Variants in ABCA13 observed in about 807,000 individuals in gnomAD.
ABCA13 encodes the protein ATP binding cassette subfamily A member 13, also known as ATP-binding cassette sub-family A member 13.
ABCA13 carries 476 observed loss-of-function variants against 478.7 expected under a neutral mutation model. That is an observed-to-expected ratio of 0.99 (90% CI 0.92 to 1.07). ABCA13 has a LOEUF of 1.07. Ranked by LOEUF, ABCA13 falls within the 50% of genes least tolerant of loss-of-function variation. ABCA13 has a pLI of 0.00. For missense variants in ABCA13, 6,060 were observed against 5,910.6 expected (o/e 1.03, Z -0.83); for synonymous variants, 2,252 against 2,158.9 (o/e 1.04, Z -1.20).
At position 48,248,257 on chromosome 7, in the gene ABCA13, G is replaced by A. The variant is rs1434994129; in HGVS notation, c.1678G>A (p.Val560Ile). 5 of 1,613,454 alleles carry A rather than the reference G, an allele frequency of 3.1e-6. No homozygotes were observed. In the East Asian group the frequency reaches 1.1e-4, roughly 36 times the overall value. The change falls in exon 14 of 62, where the codon GTC (valine) becomes ATC (isoleucine). Residue 560 changes from valine to isoleucine, a missense_variant. By Grantham distance (29) the Val-to-Ile change is conservative (BLOSUM62 3). Around this residue, in one of 3 missense-constraint regions of ABCA13, gnomAD observed 4,423 missense variants for 4,309.1 expected, o/e 1.03. Transcript: ENST00000435803. ...VEDADRILQE[V>I]ITWHKNMSVL... is the part of the protein sequence containing the mutation. ...TGTTAAGGATCGTATTTTGCAAGAG[G>A]TCATTACTTGGCACAAAAATATGTC... is the stretch of plus-strand genomic sequence containing the variant.
At position 48,288,069 on chromosome 7, in the gene ABCA13, C is replaced by T; in HGVS notation, c.8946C>T (p.Asp2982=). Residue 2982 remains aspartate, a synonymous_variant, in exon 20 of 62, where the codon GAC becomes GAT. Transcript: ENST00000435803. ...TACAAGGGGTCACTTTGGCGCAGGA[C>T]CACTTCCAGGTTTGTCGTCTTTAAT... ...SAIQGVTLAQ[D]HFQEIEKIWS... 1 of 1,613,710 alleles carries T rather than the reference C, an allele frequency of 6.2e-7. No homozygotes were observed. The highest frequency in any genetic ancestry group is 2.2e-5 in the East Asian group (1 of 44,880).
chr7:48,406,768 G>A (rs187063696), intron 39 of ABCA13, among the ~76,000 whole-genome samples: 29,550 of 151,972 alleles, frequency 0.19, 3,217 homozygotes, highest in East Asian at 0.23. Context: ...AGCTACTTGG[G>A]AGGCTGAGGC....
chr7:48,452,266 A>G (rs897196527), intron 42 of ABCA13, among the ~76,000 whole-genome samples: 2 of 152,200 alleles, frequency 1.3e-5, no homozygotes, highest in South Asian at 2.1e-4. Context: ...GAGGGAAAAT[A>G]TTACAAATCT....
chr7:48,317,338 C>G, intron 27 of ABCA13, 42 bp downstream of exon 27: 2 of 1,563,492 alleles, frequency 1.3e-6, no homozygotes, highest in Non-Finnish European at 1.7e-6. Flanking sequence ...CATACATACA[C>G]TAAATCAGGA....
intron 42 of ABCA13, among the ~76,000 whole-genome samples, chr7:48,440,374 G>T (rs890701169): frequency 6.6e-6 from 1 of 151,994 alleles, no homozygotes; most frequent in African/African-American, 2.4e-5. Flanking sequence ...ATAGAAGTCT[G>T]TGTTTTTTTC....
At chr7:48,548,319 A>G (rs953954193) in intron 55 of ABCA13, among the ~76,000 whole-genome samples, 3 of 151,898 alleles carry the variant, frequency 2.0e-5, no homozygotes, top group Non-Finnish European at 1.5e-5. Flanking sequence ...CCTGGCGGAG[A>G]AATGTCCCTA....
intron 15 of ABCA13, among the ~76,000 whole-genome samples, chr7:48,258,985 C>A (rs1366177254): frequency 7.0e-6 from 1 of 142,096 alleles, no homozygotes; most frequent in Non-Finnish European, 1.5e-5. Context: ...TTTGGTGTGA[C>A]TTTTTTTTTT....
intron 57 of ABCA13, among the ~76,000 whole-genome samples, chr7:48,588,665 T>C (rs1186435706): frequency 6.6e-6 from 1 of 152,214 alleles, no homozygotes; most frequent in Non-Finnish European, 1.5e-5. Context: ...ATAGTGTCTG[T>C]CTCATGGAGT....
intron 41 of ABCA13, among the ~76,000 whole-genome samples, chr7:48,420,312 G>A (rs1820573679): frequency 6.6e-6 from 1 of 152,106 alleles, no homozygotes; most frequent in Admixed American, 6.6e-5. Flanking sequence ...GTTTCATTAA[G>A]GCATCTGTAC....
At chr7:48,387,527 T>C (rs934326352) in intron 35 of ABCA13, among the ~76,000 whole-genome samples, 8 of 152,094 alleles carry the variant, frequency 5.3e-5, no homozygotes, top group African/African-American at 1.4e-4. Context: ...ACTCTGGGAA[T>C]ATTCAGCAAT....
At chr7:48,537,440 A>G (rs1425791075) in intron 55 of ABCA13, among the ~76,000 whole-genome samples, 1 of 152,144 alleles carries the variant, frequency 6.6e-6, no homozygotes, top group Non-Finnish European at 1.5e-5. Context: ...CAGCAAGGCA[A>G]TTTTACTTCT....
intron 31 of ABCA13, among the ~76,000 whole-genome samples, chr7:48,365,636 G>A (rs2129012910): frequency 6.6e-6 from 1 of 152,254 alleles, no homozygotes; most frequent in South Asian, 2.1e-4. Flanking sequence ...TCTGCATATG[G>A]TTATTCAGTT....
intron 38 of ABCA13, among the ~76,000 whole-genome samples, chr7:48,394,105 G>A (rs1563179747): frequency 6.6e-6 from 1 of 152,118 alleles, no homozygotes; most frequent in African/African-American, 2.4e-5. Context: ...CCAGGTCCTG[G>A]CCCTTCTCTG....
At chr7:48,440,745 T>C (rs1399640927) in intron 42 of ABCA13, among the ~76,000 whole-genome samples, 1 of 151,854 alleles carries the variant, frequency 6.6e-6, no homozygotes, top group Non-Finnish European at 1.5e-5. Context: ...TCCTCTTTAT[T>C]ATGCTTATAC....
chr7:48,194,598 A>C (rs1797679406), intron 2 of ABCA13, among the ~76,000 whole-genome samples: 2 of 152,152 alleles, frequency 1.3e-5, no homozygotes, highest in South Asian at 4.1e-4. Context: ...CTTTGTCTCT[A>C]TCAGGCTATA....
At chr7:48,337,159 G>T (rs556010514) in intron 28 of ABCA13, among the ~76,000 whole-genome samples, 1 of 152,274 alleles carries the variant, frequency 6.6e-6, no homozygotes, top group South Asian at 2.1e-4. Flanking sequence ...AAGGGAACTC[G>T]CAGTACCTTG....
At chr7:48,372,072 C>T in intron 32 of ABCA13, 96 bp from the exon 33 acceptor site, 1 of 1,259,046 alleles carries the variant, frequency 7.9e-7, no homozygotes, top group Non-Finnish European at 1.1e-6. Flanking sequence ...GCAGATTTAC[C>T]TTTCCACTGG....
chr7:48,368,524 C>T (rs1212593297), intron 32 of ABCA13, among the ~76,000 whole-genome samples: 1 of 151,816 alleles, frequency 6.6e-6, no homozygotes, highest in African/African-American at 2.4e-5. Context: ...TGTCTCATAG[C>T]TTAGCTCCCA....
intron 55 of ABCA13, among the ~76,000 whole-genome samples, chr7:48,570,730 A>G (rs1787563196): frequency 6.6e-6 from 1 of 152,186 alleles, no homozygotes; most frequent in South Asian, 2.1e-4. Context: ...CAATCTATGA[A>G]TTTGTTAAAT....
Sources: allele counts gnomAD v4.1 joint callset (sites outside exome capture counted in the v4.1 genomes callset), GRCh38; gene constraint gnomAD v4.1.1; regional missense constraint gnomAD v4.1.1; transcripts MANE v1.5; gene names NCBI Gene and HGNC (gene_info 2026-07-23, HGNC 2026-07-21).